Variants in SPOCK3 observed in about 807,000 individuals in gnomAD.
SPOCK3 encodes the protein SPARC (osteonectin), cwcv and kazal like domains proteoglycan 3, also known as testican-3.
A neutral mutation model predicts 56.6 loss-of-function variants in SPOCK3; 30 were observed. The observed-to-expected ratio is 0.53, with a 90% confidence interval of 0.40 to 0.72. SPOCK3 has a LOEUF of 0.72. Ranked by LOEUF, SPOCK3 falls within the 30% of genes least tolerant of loss-of-function variation. The pLI, the probability that SPOCK3 is intolerant of heterozygous loss-of-function variation, is 0.00. For missense variants in SPOCK3, 527 were observed against 530.0 expected (o/e 0.99, Z 0.06); for synonymous variants, 196 against 183.3 (o/e 1.07, Z -0.56).
rs552949642 is a variant in SPOCK3 at position 167,190,056 on chromosome 4, TA to T, written c.189+43928del. Among the ~76,000 whole-genome samples, 360 of 146,490 alleles carry T rather than the reference TA, an allele frequency of 2.5e-3. 42 individuals are homozygous for T. Among genetic ancestry groups the T allele is most frequent in the African/African-American group, 8.7e-3 (335 of 38,626 alleles). ...ACTTAGATTGTTTTCATATTTCATC[TA>T]TTGTGAATAATGCTGCAATAAATAT... On this transcript the variant is annotated intron_variant, in intron 2 of 10. Transcript: ENST00000357545.
chr4:167,048,031 T>C (rs894903537), intron 3 of SPOCK3, among the ~76,000 whole-genome samples: 2 of 152,032 alleles, frequency 1.3e-5, no homozygotes, highest in Admixed American at 1.3e-4. Context: ...GAGAGATACT[T>C]TGTATCGAAA....
intron 2 of SPOCK3, among the ~76,000 whole-genome samples, chr4:167,104,386 C>A (rs1013794004): frequency 2.0e-5 from 3 of 151,880 alleles, no homozygotes; most frequent in East Asian, 1.9e-4. Context: ...ATGAAGAGAT[C>A]GAAGTAATTA....
intron 2 of SPOCK3, among the ~76,000 whole-genome samples, chr4:167,196,188 G>A (rs748061735): frequency 1.2e-4 from 18 of 152,154 alleles, no homozygotes; most frequent in African/African-American, 3.1e-4. Context: ...CTACTATATC[G>A]TGTTTAATGC....
intron 6 of SPOCK3, among the ~76,000 whole-genome samples, chr4:166,874,668 C>A (rs1171773466): frequency 2.0e-5 from 3 of 152,136 alleles, no homozygotes; most frequent in Non-Finnish European, 2.9e-5. Flanking sequence ...ATACAGGAAT[C>A]AAGTGACTCC....
At chr4:167,103,192 C>T (rs1455380410) in intron 2 of SPOCK3, among the ~76,000 whole-genome samples, 1 of 152,022 alleles carries the variant, frequency 6.6e-6, no homozygotes, top group Non-Finnish European at 1.5e-5. Context: ...GAAGAACCAA[C>T]AGCAATACCC....
intron 6 of SPOCK3, among the ~76,000 whole-genome samples, chr4:166,825,927 G>A (rs1407192171): frequency 1.5e-4 from 23 of 152,014 alleles, no homozygotes; most frequent in Non-Finnish European, 4.4e-5. Context: ...ATAAAAGACT[G>A]CATATTGGGT....
chr4:166,924,954 A>G (rs1738910577), intron 4 of SPOCK3, among the ~76,000 whole-genome samples: 1 of 152,192 alleles, frequency 6.6e-6, no homozygotes. Context: ...TAACACTAGC[A>G]TTATTTAGGA....
intron 3 of SPOCK3, among the ~76,000 whole-genome samples, chr4:167,003,864 G>A (rs539828797): frequency 3.3e-5 from 5 of 152,286 alleles, no homozygotes; most frequent in Admixed American, 6.5e-5. Flanking sequence ...TCCTTTGAGC[G>A]TCATTACATT....
intron 3 of SPOCK3, among the ~76,000 whole-genome samples, chr4:167,043,848 T>C (rs1306451157): frequency 6.6e-6 from 1 of 152,038 alleles, no homozygotes. Flanking sequence ...CAATACTTTA[T>C]TGAAGACTTT....
chr4:166,762,362 G>T (rs941100631), intron 7 of SPOCK3, among the ~76,000 whole-genome samples: 1 of 152,118 alleles, frequency 6.6e-6, no homozygotes, highest in East Asian at 1.9e-4. Context: ...ATAAAGCAAT[G>T]TTGGTGTGAG....
chr4:166,956,847 C>A (rs1334645855), intron 4 of SPOCK3, among the ~76,000 whole-genome samples: 4 of 152,112 alleles, frequency 2.6e-5, no homozygotes, highest in Non-Finnish European at 5.9e-5. Flanking sequence ...TAAGTTATTA[C>A]TAAACTCACT....
At chr4:167,083,145 C>A in intron 2 of SPOCK3, 1 of 763,556 alleles carries the variant, frequency 1.3e-6, no homozygotes. Context: ...TTTATGGTTG[C>A]CCTAGGCTGT....
At chr4:166,955,149 C>T (rs1368999469) in intron 4 of SPOCK3, among the ~76,000 whole-genome samples, 1 of 151,960 alleles carries the variant, frequency 6.6e-6, no homozygotes, top group East Asian at 1.9e-4. Context: ...AAATAGTCTA[C>T]AAACATACAA....
At chr4:166,863,040 C>T (rs1294438655) in intron 6 of SPOCK3, among the ~76,000 whole-genome samples, 1 of 151,934 alleles carries the variant, frequency 6.6e-6, no homozygotes, top group Non-Finnish European at 1.5e-5. Flanking sequence ...AAAGTGAAGC[C>T]CATCAGACTA....
chr4:167,045,616 G>A (rs2150209521), intron 3 of SPOCK3, among the ~76,000 whole-genome samples: 1 of 151,846 alleles, frequency 6.6e-6, no homozygotes, highest in Middle Eastern at 3.4e-3. Context: ...CCTAGAGTTT[G>A]TGTCATGTAT....
intron 3 of SPOCK3, among the ~76,000 whole-genome samples, chr4:167,027,069 CTTGA>C (rs1469212688): frequency 1.3e-5 from 2 of 151,920 alleles, no homozygotes; most frequent in African/African-American, 4.8e-5. Context: ...ACCCCCTCAC[CTTGA>C]TTAATTCCTA....
intron 2 of SPOCK3, among the ~76,000 whole-genome samples, chr4:167,169,814 G>A (rs1195121212): frequency 6.6e-6 from 1 of 152,110 alleles, no homozygotes; most frequent in Non-Finnish European, 1.5e-5. Flanking sequence ...GGTGGAGCCA[G>A]GTGGCAATAA....
intron 2 of SPOCK3, among the ~76,000 whole-genome samples, chr4:167,219,371 C>T (rs1241853675): frequency 6.6e-6 from 1 of 152,106 alleles, no homozygotes; most frequent in African/African-American, 2.4e-5. Flanking sequence ...CTATTGTACC[C>T]TATGTAAATA....
At chr4:166,755,058 G>T (rs1736893188) in intron 7 of SPOCK3, among the ~76,000 whole-genome samples, 1 of 151,948 alleles carries the variant, frequency 6.6e-6, no homozygotes, top group African/African-American at 2.4e-5. Flanking sequence ...CATGATAAAT[G>T]TCTCATTAGA....
Sources: allele counts gnomAD v4.1 joint callset (sites outside exome capture counted in the v4.1 genomes callset), GRCh38; gene constraint gnomAD v4.1.1; transcripts MANE v1.5; gene names NCBI Gene and HGNC (gene_info 2026-07-23, HGNC 2026-07-21).